The following SCNN1B variants were observed in gnomAD, a reference collection of about 807,000 sequenced individuals.
The protein encoded by SCNN1B is sodium channel epithelial 1 subunit beta.
SCNN1B carries 46 observed loss-of-function variants against 65.3 expected under a neutral mutation model. That is an observed-to-expected ratio of 0.70 (90% CI 0.56 to 0.90). The LOEUF (loss-of-function observed/expected upper bound fraction) is 0.90. SCNN1B is among the 40% of genes least tolerant of loss of function. The probability of loss-of-function intolerance (pLI) is 0.00; values close to 1 mark genes in which losing one functional copy is unlikely to be tolerated. For synonymous variants in SCNN1B, 349 were observed against 330.6 expected (o/e 1.06, Z -0.60); for missense variants, 751 against 830.5 (o/e 0.90, Z 1.18).
At chr16:23,317,512 T>C (rs1961496816) in intron 1 of SCNN1B, among the ~76,000 whole-genome samples, 1 of 152,108 alleles carries the variant, frequency 6.6e-6, no homozygotes, top group Admixed American at 6.5e-5. Flanking sequence ...GGGGAGCTTT[T>C]GTGTGGAACA....
intron 4 of SCNN1B, among the ~76,000 whole-genome samples, chr16:23,365,630 A>G (rs1240357901): frequency 6.7e-6 from 1 of 149,440 alleles, no homozygotes; most frequent in African/African-American, 2.5e-5. Context: ...AAAAGAAAGA[A>G]GTCACATCTT....
Position 23,309,134 on chromosome 16 carries a change from A to AT in SCNN1B, c.-9+6697_-9+6698insT, listed in dbSNP as rs1302568645. Among the ~76,000 whole-genome samples, 278 of 151,724 alleles carry AT rather than the reference A, an allele frequency of 1.8e-3. 2 individuals are homozygous for AT. Among genetic ancestry groups the AT allele is most frequent in the African/African-American group, 6.3e-3 (258 of 41,232 alleles). On this transcript the variant is annotated intron_variant, in intron 1 of 12. Transcript: ENST00000343070. ...TCGGTCCTGGAGCTTGGAAGAAACC[A>AT]ATTTTTTTTCAGATAGAAAAGTTGC...
chr16:23,329,185 C>T (rs540127308), intron 1 of SCNN1B, among the ~76,000 whole-genome samples: 2 of 152,196 alleles, frequency 1.3e-5, no homozygotes, highest in Admixed American at 6.5e-5. Flanking sequence ...AATCATGGCT[C>T]ACTGCAGCCT....
chr16:23,352,942 C>A lies in SCNN1B; in HGVS notation c.453C>A (p.Val151=). The change falls in exon 3 of 13, where the codon GTC becomes GTA. Residue 151 remains valine (V), a synonymous_variant. Coordinates refer to ENST00000343070, the MANE Select transcript of SCNN1B (RefSeq NM_000336.3). The part of the protein sequence containing the change: ...NFSIWNHTPL[V]LIDERNPHHP... ...CCATCTGGAACCACACACCCCTGGT[C>A]CTTATTGATGAACGGAACCCCCACC... 6.2e-7 allele frequency: 1 copy of A among 1,614,168 alleles called. No individual in the cohort carries two copies. Among genetic ancestry groups the A allele is most frequent in the Middle Eastern group, 1.6e-4 (1 of 6,062 alleles).
At chr16:23,370,037 T>G (rs1056622729) in intron 5 of SCNN1B, among the ~76,000 whole-genome samples, 2 of 152,154 alleles carry the variant, frequency 1.3e-5, no homozygotes, top group African/African-American at 4.8e-5. Context: ...TTCAAGCGAT[T>G]CTCCTGCCTC....
chr16:23,380,290 G>A lies in SCNN1B; in HGVS notation c.1542+121G>A. On this transcript the variant is annotated intron_variant, in intron 12 of 12. Transcript: ENST00000343070. This position sits in a 1 kb window ranked among gnomAD's most constrained non-coding sequence, Gnocchi z 5.4. ...AGGAAGATCCCTAAGACAGTCCCAA[G>A]TTATTCCCCTGGGCCAAGATGGTCA... 2 of 1,518,230 alleles carry A rather than the reference G, an allele frequency of 1.3e-6. No homozygotes were observed. Among genetic ancestry groups the A allele is most frequent in the Non-Finnish European group, 1.8e-6 (2 of 1,095,368 alleles). 94.0% of individuals were successfully genotyped at this position (1,518,230 alleles called of 1,614,324 possible). A position where few individuals can be genotyped will look rare whatever the true frequency, so the allele number is the denominator to read the frequency against.
At chr16:23,290,879 C>G (rs375018188) in intron 2 of SCNN1B, among the ~76,000 whole-genome samples, 18 of 152,124 alleles carry the variant, frequency 1.2e-4, no homozygotes, top group African/African-American at 4.1e-4. Context: ...GAATCTGACT[C>G]ATTAAGCATA....
intron 1 of SCNN1B, among the ~76,000 whole-genome samples, chr16:23,340,020 G>T (rs1962023003): frequency 6.6e-6 from 1 of 151,736 alleles, no homozygotes; most frequent in Non-Finnish European, 1.5e-5. Context: ...AGCTCATTGT[G>T]GGTGGTTTTG....
At chr16:23,364,533 C>T (rs559515366) in intron 4 of SCNN1B, among the ~76,000 whole-genome samples, 21 of 152,242 alleles carry the variant, frequency 1.4e-4, no homozygotes, top group African/African-American at 3.9e-4. Context: ...AAGGGAGTAC[C>T]GTGCTCTGAC....
intron 4 of SCNN1B, 83 bp downstream of exon 4, chr16:23,355,572 G>C (rs1169300169): frequency 3.5e-6 from 5 of 1,425,884 alleles, no homozygotes; most frequent in Non-Finnish European, 4.9e-6. Context: ...CAGCCTGCCA[G>C]GGTTCCAATC....
At chr16:23,305,603 T>C (rs1961200468) in intron 1 of SCNN1B, among the ~76,000 whole-genome samples, 2 of 124,264 alleles carry the variant, frequency 1.6e-5, no homozygotes, top group South Asian at 5.3e-4. Flanking sequence ...ATATATAACC[T>C]GGGTGTGGTG....
chr16:23,340,738 G>T (rs1387437206), intron 1 of SCNN1B, among the ~76,000 whole-genome samples: 1 of 152,024 alleles, frequency 6.6e-6, no homozygotes, highest in East Asian at 1.9e-4. Context: ...CAAATTTGTA[G>T]GTCTATCAGA....
chr16:23,278,665 C>A (rs1414931557), intron 1 of SCNN1B, among the ~76,000 whole-genome samples: 2 of 151,782 alleles, frequency 1.3e-5, no homozygotes, highest in Non-Finnish European at 2.9e-5. Flanking sequence ...CATCTGAGTG[C>A]ACTCAATGGT....
At chr16:23,360,903 T>A (rs1567311852) in intron 4 of SCNN1B, among the ~76,000 whole-genome samples, 1 of 152,154 alleles carries the variant, frequency 6.6e-6, no homozygotes, top group Admixed American at 6.6e-5. Flanking sequence ...CATACCATTC[T>A]CCTGCCTCAG....
intron 1 of SCNN1B, among the ~76,000 whole-genome samples, chr16:23,311,878 A>C (rs1307314268): frequency 1.3e-5 from 2 of 152,216 alleles, no homozygotes; most frequent in Non-Finnish European, 2.9e-5. Context: ...TTAGGAAGAC[A>C]GAGAAAGCCC....
chr16:23,367,766 C>A, intron 4 of SCNN1B, 90 bp from the exon 5 acceptor site: 1 of 1,041,542 alleles, frequency 9.6e-7, no homozygotes, highest in Non-Finnish European at 1.5e-6. Context: ...GGAGCCCCTC[C>A]AAGGAGGAAA....
upstream of SCNN1B, among the ~76,000 whole-genome samples, chr16:23,298,185 C>A (rs1273092817): frequency 1.3e-5 from 2 of 152,182 alleles, no homozygotes; most frequent in East Asian, 1.9e-4. Context: ...GACGTGAATT[C>A]ATCTGACTGT....
chr16:23,381,114 C>G lies in SCNN1B; in HGVS notation c.*313C>G. 1 of 433,604 alleles carries G rather than the reference C, an allele frequency of 2.3e-6. No individual in the cohort carries two copies. 26.9% of individuals were successfully genotyped at this position (433,604 alleles called of 1,614,324 possible). A position where few individuals can be genotyped will look rare whatever the true frequency, so the allele number is the denominator to read the frequency against. ...TCTCCTGGTGGCAGGCCACTTCCCT[C>G]CCAGTGCCAGTCTCCATCCACCCCA... On this transcript the variant is annotated 3_prime_UTR_variant, in exon 13 of 13. Transcript: ENST00000343070.
chr16:23,305,548 ATAT>A (rs1961184362), intron 1 of SCNN1B, among the ~76,000 whole-genome samples: 4 of 35,252 alleles, frequency 1.1e-4, no homozygotes, highest in East Asian at 1.2e-3. Flanking sequence ...ATATATATAT[ATAT>A]ATATATATAT....
Sources: gnomAD v4.1 joint callset for allele counts (sites outside exome capture counted in the v4.1 genomes callset) on GRCh38, gnomAD v4.1.1 for gene constraint, Gnocchi (gnomAD v3.1) non-coding constraint, MANE v1.5 for transcripts, NCBI Gene and HGNC (gene_info 2026-07-23, HGNC 2026-07-21) for gene names.